Variants in GRIA4 observed in about 807,000 individuals in gnomAD.
The protein encoded by GRIA4 is glutamate receptor 4.
GRIA4 carries 34 observed loss-of-function variants against 104.0 expected under a neutral mutation model. The observed-to-expected ratio is 0.33, with a 90% CI of 0.25 to 0.44. GRIA4 has a LOEUF of 0.44. GRIA4 is among the 20% of genes least tolerant of loss of function. The pLI is 1.00. For missense variants in GRIA4, 750 were observed against 1,096.5 expected (o/e 0.68, Z 4.46); for synonymous variants, 386 against 381.9 (o/e 1.01, Z -0.13).
intron 4 of GRIA4, among the ~76,000 whole-genome samples, chr11:105,825,513 C>G (rs189664467): frequency 6.6e-6 from 1 of 152,118 alleles, no homozygotes; most frequent in Admixed American, 6.5e-5. Flanking sequence ...CAATTGAGTC[C>G]AAGTTGACTT....
At chr11:105,898,127 T>G (rs1250814347) in intron 6 of GRIA4, 142 bp from the exon 7 acceptor site, 1 of 460,678 alleles carries the variant, frequency 2.2e-6, no homozygotes, top group African/African-American at 2.0e-5. Context: ...TTTCCACATC[T>G]TTTATTATCA....
intron 14 of GRIA4, among the ~76,000 whole-genome samples, chr11:105,967,659 A>G (rs1014243119): frequency 1.3e-5 from 2 of 151,636 alleles, no homozygotes; most frequent in Admixed American, 1.3e-4. Context: ...CCAAAATGAA[A>G]TACATTATGT....
chr11:105,835,776 T>C (rs1250827088), intron 4 of GRIA4, among the ~76,000 whole-genome samples: 1 of 152,034 alleles, frequency 6.6e-6, no homozygotes, highest in Non-Finnish European at 1.5e-5. Context: ...GAGAGTGATG[T>C]CATTAAAATG....
intron 13 of GRIA4, among the ~76,000 whole-genome samples, chr11:105,929,816 G>A (rs1287877751): frequency 6.6e-6 from 1 of 151,922 alleles, no homozygotes; most frequent in Non-Finnish European, 1.5e-5. Flanking sequence ...CAGAAATGGT[G>A]GAATACTTAA....
intron 14 of GRIA4, among the ~76,000 whole-genome samples, chr11:105,965,003 C>T (rs558646963): frequency 1.8e-4 from 27 of 152,030 alleles, no homozygotes; most frequent in South Asian, 6.2e-4. Context: ...GACAGGGTTT[C>T]GCCATGTTGG....
intron 3 of GRIA4, among the ~76,000 whole-genome samples, chr11:105,676,577 CAGA>C (rs1952545532): frequency 6.6e-6 from 1 of 151,618 alleles, no homozygotes; most frequent in African/African-American, 2.4e-5. Flanking sequence ...GCAAATCCAT[CAGA>C]AGAAGTCAGG....
intron 3 of GRIA4, among the ~76,000 whole-genome samples, chr11:105,645,369 A>G (rs1314823830): frequency 6.6e-6 from 1 of 152,174 alleles, no homozygotes; most frequent in Non-Finnish European, 1.5e-5. Flanking sequence ...CAAACCCAGA[A>G]TGCAGCTGTC....
chr11:105,789,453 A>T (rs1942120829), intron 4 of GRIA4, among the ~76,000 whole-genome samples: 1 of 152,206 alleles, frequency 6.6e-6, no homozygotes, highest in Non-Finnish European at 1.5e-5. Flanking sequence ...TATAACATTT[A>T]TGTATGCCAA....
intron 4 of GRIA4, among the ~76,000 whole-genome samples, chr11:105,803,488 C>T (rs1211032139): frequency 6.6e-6 from 1 of 151,734 alleles, no homozygotes; most frequent in Non-Finnish European, 1.5e-5. Flanking sequence ...TAAGGTGGAA[C>T]AAAAGTTATT....
chr11:105,853,536 G>A (rs1944895927), intron 4 of GRIA4, among the ~76,000 whole-genome samples: 1 of 152,128 alleles, frequency 6.6e-6, no homozygotes, highest in African/African-American at 2.4e-5. Flanking sequence ...TATAAATTAA[G>A]TAGTTTTCAG....
At chr11:105,652,002 G>A (rs1308875061) in intron 3 of GRIA4, among the ~76,000 whole-genome samples, 1 of 152,062 alleles carries the variant, frequency 6.6e-6, no homozygotes, top group East Asian at 1.9e-4. Flanking sequence ...TTTCAGAAAA[G>A]TGAAGTTAAC....
At chr11:105,787,849 T>C (rs567652091) in intron 4 of GRIA4, among the ~76,000 whole-genome samples, 1 of 152,282 alleles carries the variant, frequency 6.6e-6, no homozygotes, top group East Asian at 1.9e-4. Context: ...GATGAATCAT[T>C]ACAGTTCCTT....
At chr11:105,963,145 C>G (rs1483175882) in intron 14 of GRIA4, among the ~76,000 whole-genome samples, 1 of 152,084 alleles carries the variant, frequency 6.6e-6, no homozygotes, top group Non-Finnish European at 1.5e-5. Context: ...TTTATTATTA[C>G]TTCTTCAGGA....
In GRIA4 at chr11:105,835,912, G is replaced by T. The variant is rs549581276; in HGVS notation, c.488-26112G>T. On this transcript the variant is annotated intron_variant, in intron 4 of 16. Coordinates refer to ENST00000282499, the MANE Select transcript of GRIA4 (RefSeq NM_000829.4). ...TAATTAATTGGATAAGAAAAAGAAAGAAAAAAAGTTTATCATGATGAAGGG... is the reference window on the plus strand; with the variant it reads ...TAATTAATTGGATAAGAAAAAGAAATAAAAAAAGTTTATCATGATGAAGGG... 2.6e-5 allele frequency among the ~76,000 whole-genome samples: 4 copies of T among 151,744 alleles called. No homozygotes were observed. The South Asian group carries it at 8.3e-4, about 32-fold the overall frequency.
At chr11:105,703,107 T>TA (rs1022442536) in intron 3 of GRIA4, among the ~76,000 whole-genome samples, 1 of 152,192 alleles carries the variant, frequency 6.6e-6, no homozygotes, top group African/African-American at 2.4e-5. Context: ...CAACCTATAC[T>TA]AATGTCAAGA....
intron 3 of GRIA4, among the ~76,000 whole-genome samples, chr11:105,661,833 T>C (rs1482329866): frequency 6.6e-6 from 1 of 151,856 alleles, no homozygotes; most frequent in Admixed American, 6.6e-5. Context: ...GGCAAGAGAT[T>C]TTCCTTGTCA....
At chr11:105,925,384 G>A (rs1437897604) in intron 12 of GRIA4, among the ~76,000 whole-genome samples, 1 of 152,032 alleles carries the variant, frequency 6.6e-6, no homozygotes, top group Non-Finnish European at 1.5e-5. Context: ...ATACCACTAA[G>A]ATATCATTTA....
intron 3 of GRIA4, among the ~76,000 whole-genome samples, chr11:105,669,852 T>C (rs61601618): frequency 0.027 from 4,043 of 152,190 alleles, 102 homozygotes; most frequent in African/African-American, 0.065. Context: ...ACCAAAGAGG[T>C]AAATTTTGCA....
chr11:105,666,275 C>A (rs60005713), intron 3 of GRIA4, among the ~76,000 whole-genome samples: 181 of 152,048 alleles, frequency 1.2e-3, no homozygotes, highest in African/African-American at 4.1e-3. Flanking sequence ...TTCATTCAAA[C>A]AATATATTTT....
Sources: allele counts gnomAD v4.1 joint callset (sites outside exome capture counted in the v4.1 genomes callset), GRCh38; gene constraint gnomAD v4.1.1; transcripts MANE v1.5; gene names NCBI Gene and HGNC (gene_info 2026-07-23, HGNC 2026-07-21).